Variants in PLCB1 observed in about 807,000 individuals in gnomAD.
PLCB1 encodes the protein phospholipase C beta 1.
In PLCB1, 46 loss-of-function variants were observed where a neutral mutation model predicts 161.8. The ratio of observed to expected loss-of-function variants is 0.28; its 90% CI spans 0.22 to 0.36. The LOEUF (loss-of-function observed/expected upper bound fraction) is 0.36, where lower values mean the gene tolerates loss of function less well. Among genes scored for constraint, PLCB1 ranks in the 10% least tolerant of loss-of-function variants. The probability of loss-of-function intolerance (pLI) is 1.00; values close to 1 mark genes in which losing one functional copy is unlikely to be tolerated. For missense variants in PLCB1, 1,016 were observed against 1,472.5 expected, an observed-to-expected ratio of 0.69 and a Z score of 5.07; for synonymous variants, 517 against 503.7, an observed-to-expected ratio of 1.03 and a Z score of -0.35.
At chr20:8,365,166 GCA>G (rs1986666537) in intron 2 of PLCB1, among the ~76,000 whole-genome samples, 2 of 152,190 alleles carry the variant, frequency 1.3e-5, no homozygotes, top group Non-Finnish European at 2.9e-5. Flanking sequence ...GCTGGCATCT[GCA>G]CCTGTGTTTG....
intron 3 of PLCB1, among the ~76,000 whole-genome samples, chr20:8,471,676 G>C (rs1196847771): frequency 1.3e-5 from 2 of 152,118 alleles, no homozygotes; most frequent in African/African-American, 4.8e-5. Context: ...TTGACCCCCT[G>C]CTAGGTGAAT....
chr20:8,274,421 G>A (rs562494225), intron 2 of PLCB1, among the ~76,000 whole-genome samples: 25 of 151,378 alleles, frequency 1.7e-4, no homozygotes, highest in African/African-American at 5.6e-4. Context: ...GCATGAGAAC[G>A]TTTGTCCCCT....
chr20:8,737,731 G>A (rs1220015534), intron 20 of PLCB1, among the ~76,000 whole-genome samples: 1 of 152,192 alleles, frequency 6.6e-6, no homozygotes, highest in African/African-American at 2.4e-5. Context: ...TGTAAAGGAA[G>A]AAAGTAGGTT....
intron 3 of PLCB1, among the ~76,000 whole-genome samples, chr20:8,372,420 T>C (rs1986932658): frequency 6.6e-6 from 1 of 152,228 alleles, no homozygotes; most frequent in Non-Finnish European, 1.5e-5. Context: ...GCATATTCTA[T>C]GACACAGCAA....
chr20:8,435,357 G>C (rs1980252896), intron 3 of PLCB1, among the ~76,000 whole-genome samples: 1 of 152,166 alleles, frequency 6.6e-6, no homozygotes, highest in Non-Finnish European at 1.5e-5. Flanking sequence ...TATGACAAAG[G>C]TGAAGGGATT....
chr20:8,542,322 A>G (rs1285193700), intron 3 of PLCB1, among the ~76,000 whole-genome samples: 1 of 152,196 alleles, frequency 6.6e-6, no homozygotes, highest in Non-Finnish European at 1.5e-5. Context: ...ATAAAAGCAG[A>G]GGTCAGCTGG....
chr20:8,189,870 C>T (rs1308391464), intron 2 of PLCB1, among the ~76,000 whole-genome samples: 1 of 151,930 alleles, frequency 6.6e-6, no homozygotes, highest in Non-Finnish European at 1.5e-5. Flanking sequence ...TAACCATTTA[C>T]CATGTTTCAA....
intron 2 of PLCB1, among the ~76,000 whole-genome samples, chr20:8,250,457 A>T (rs8121004): frequency 1.3e-5 from 2 of 151,760 alleles, no homozygotes; most frequent in Non-Finnish European, 2.9e-5. Flanking sequence ...TGTGCTCCAA[A>T]TGATTTTGCA....
intron 2 of PLCB1, among the ~76,000 whole-genome samples, chr20:8,263,611 A>G (rs1037814079): frequency 1.3e-5 from 2 of 152,342 alleles, no homozygotes; most frequent in South Asian, 4.1e-4. Flanking sequence ...AGACTACTAC[A>G]TACCTAAAAT....
intron 2 of PLCB1, among the ~76,000 whole-genome samples, chr20:8,180,938 A>AGT (rs10604975): frequency 0.029 from 4,317 of 149,674 alleles, 78 homozygotes; most frequent in Middle Eastern, 0.048. Flanking sequence ...ATAATGTAAA[A>AGT]GTGTGTGTGT....
rs866869052 is a variant in PLCB1 at position 8,459,091 on chromosome 20, G to A, written c.246+87641G>A. Among the ~76,000 whole-genome samples the A allele has an allele frequency of 9.9e-5, 15 of 152,274 alleles. No homozygotes were observed. In the Middle Eastern group the frequency reaches 0.01, roughly 104 times the overall value. ...ATTGGTTTGTGGGGGAGAAAGTGATGGTGGTACTTATTCATATCCATTTTT... is the reference window on the plus strand; with the variant it reads ...ATTGGTTTGTGGGGGAGAAAGTGATAGTGGTACTTATTCATATCCATTTTT... On this transcript the variant is annotated intron_variant, in intron 3 of 31. Transcript: ENST00000338037.
At chr20:8,555,959 A>T (rs1015867623) in intron 3 of PLCB1, among the ~76,000 whole-genome samples, 1 of 147,232 alleles carries the variant, frequency 6.8e-6, no homozygotes, top group Non-Finnish European at 1.5e-5. Flanking sequence ...AATTACATGA[A>T]AGAGACACTT....
At chr20:8,693,379 G>A (rs1990521851) in intron 10 of PLCB1, among the ~76,000 whole-genome samples, 1 of 152,130 alleles carries the variant, frequency 6.6e-6, no homozygotes, top group African/African-American at 2.4e-5. Flanking sequence ...GTTTCACTGG[G>A]GCAGCAGGCA....
At chr20:8,371,115 T>C (rs930469912) in intron 2 of PLCB1, 2 of 389,292 alleles carry the variant, frequency 5.1e-6, no homozygotes, top group Admixed American at 8.4e-5. Flanking sequence ...TGATTCATCA[T>C]GATTTAGGAA....
In PLCB1 at chr20:8,724,663, C is replaced by T; in HGVS notation, c.1589C>T (p.Ala530Val). 1 of 1,585,592 alleles carries T rather than the reference C, an allele frequency of 6.3e-7. No homozygotes were observed. Among genetic ancestry groups the T allele is most frequent in the Non-Finnish European group, 8.7e-7 (1 of 1,154,890 alleles). ...TTTTATTCCTACTTCCAGGGGACTG[C>T]TGGAAGTGAGGCTATGGCCACAGAA... ...CKKSSMDEGT[A>V]GSEAMATEEM... The change falls in exon 16 of 32, where the codon GCT becomes GTT. Residue 530 changes from alanine to valine, a missense_variant. Ala to Val is a moderately conservative substitution (Grantham distance 64). Coordinates refer to ENST00000338037, the MANE Select transcript of PLCB1 (RefSeq NM_015192.4).
At chr20:8,291,074 C>T (rs1983361653) in intron 2 of PLCB1, among the ~76,000 whole-genome samples, 2 of 150,654 alleles carry the variant, frequency 1.3e-5, no homozygotes, top group South Asian at 2.1e-4. Flanking sequence ...AAAAGAAATG[C>T]CCCATCAAAC....
Position 8,821,352 on chromosome 20 carries a change from G to A in PLCB1, c.3423+31091G>A, listed in dbSNP as rs192985976. On this transcript the variant is annotated intron_variant, in intron 31 of 31. Coordinates refer to ENST00000338037, the MANE Select transcript of PLCB1 (RefSeq NM_015192.4). ...AAATTAGCCAGACATGGTGGCCTGC[G>A]TCTGTATCCCAGCTACTCAGGAGGC... Among the ~76,000 whole-genome samples, 674 of 149,714 alleles carry A rather than the reference G, an allele frequency of 4.5e-3. 6 individuals are homozygous for A. Among genetic ancestry groups the A allele is most frequent in the African/African-American group, 0.016 (648 of 40,972 alleles).
chr20:8,745,090 T>C lies in PLCB1; in HGVS notation c.2523+3517T>C, dbSNP rs117230765. 3.3e-3 allele frequency among the ~76,000 whole-genome samples: 509 copies of C among 152,294 alleles called. 3 individuals are homozygous for C. Among genetic ancestry groups the C allele is most frequent in the Non-Finnish European group, 6.1e-3 (413 of 68,020 alleles). The stretch of plus-strand genomic sequence containing the variant: ...GGCATGGAATCACATGGAGTCTATA[T>C]TGGTCTAATAGAGAAAATATGATTT... On this transcript the variant is annotated intron_variant, in intron 23 of 31. Coordinates refer to ENST00000338037, the MANE Select transcript of PLCB1 (RefSeq NM_015192.4).
intron 3 of PLCB1, among the ~76,000 whole-genome samples, chr20:8,384,581 G>A (rs1424470043): frequency 6.6e-6 from 1 of 152,038 alleles, no homozygotes; most frequent in African/African-American, 2.4e-5. Flanking sequence ...AGGCATTGAG[G>A]TCCTTTGGAG....
Sources: allele counts gnomAD v4.1 joint callset (sites outside exome capture counted in the v4.1 genomes callset), GRCh38; gene constraint gnomAD v4.1.1; transcripts MANE v1.5; gene names NCBI Gene and HGNC (gene_info 2026-07-23, HGNC 2026-07-21).